The following MAP4K3 variants were observed in gnomAD, a reference collection of about 807,000 sequenced individuals.
The protein encoded by MAP4K3 is mitogen-activated protein kinase kinase kinase kinase 3, also known as MAPK/ERK kinase kinase kinase 3.
MAP4K3 carries 94 observed loss-of-function variants against 143.5 expected under a neutral mutation model. The observed-to-expected ratio is 0.65, with a 90% CI of 0.55 to 0.78. The LOEUF is 0.78. Among genes scored for constraint, MAP4K3 ranks in the 30% least tolerant of loss-of-function variants. The pLI is 0.00. For synonymous variants in MAP4K3, 416 were observed against 347.2 expected (o/e 1.20, Z -2.20); for missense variants, 1,077 against 1,068.1 (o/e 1.01, Z -0.12).
chr2:39,397,288 A>G (rs1666834936), intron 1 of MAP4K3, among the ~76,000 whole-genome samples: 1 of 152,220 alleles, frequency 6.6e-6, no homozygotes, highest in African/African-American at 2.4e-5. Flanking sequence ...GAATTCAGTA[A>G]GATAGTAACC....
intron 1 of MAP4K3, among the ~76,000 whole-genome samples, chr2:39,393,966 G>A (rs184129764): frequency 5.2e-4 from 79 of 152,262 alleles, no homozygotes; most frequent in African/African-American, 1.7e-3. Context: ...TCAGTGAAAT[G>A]AGAACGACAT....
rs1370806869 is a variant in MAP4K3, at chr2:39,286,974, G to A, written c.1475-10C>T. ...GAGCTCATTCCATTTCCTTCAATAAGATATATTCATTGAAAATGATTAATC... is the reference window on the plus strand; with the variant it reads ...GAGCTCATTCCATTTCCTTCAATAAAATATATTCATTGAAAATGATTAATC... On this transcript the variant is annotated splice_polypyrimidine_tract_variant and intron_variant, in intron 20 of 33. Transcript: ENST00000263881. The A allele has an allele frequency of 1.3e-6, 2 of 1,508,906 alleles. No individual in the cohort carries two copies. 93.5% of individuals were successfully genotyped at this position (1,508,906 alleles called of 1,614,324 possible).
chr2:39,398,101 T>C (rs1291290827), intron 1 of MAP4K3, among the ~76,000 whole-genome samples: 2 of 152,132 alleles, frequency 1.3e-5, no homozygotes, highest in African/African-American at 4.8e-5. Context: ...TACAGACGCA[T>C]GTACCCTTTC....
chr2:39,352,797 T>C (rs1665496917), intron 3 of MAP4K3, among the ~76,000 whole-genome samples: 1 of 152,144 alleles, frequency 6.6e-6, no homozygotes, highest in South Asian at 2.1e-4. Flanking sequence ...ACTAAGAAAA[T>C]TCATAGGGTA....
intron 1 of MAP4K3, among the ~76,000 whole-genome samples, chr2:39,428,682 C>CAA (rs145652216): frequency 2.0e-5 from 3 of 146,964 alleles, no homozygotes; most frequent in African/African-American, 7.5e-5. Context: ...AACTCTGCCT[C>CAA]AAAAAAAAAA....
intron 2 of MAP4K3, among the ~76,000 whole-genome samples, chr2:39,369,660 G>C (rs1666028657): frequency 6.6e-6 from 1 of 152,098 alleles, no homozygotes; most frequent in African/African-American, 2.4e-5. Context: ...AGCCAGTCTT[G>C]AAGGCTCATC....
intron 1 of MAP4K3, among the ~76,000 whole-genome samples, chr2:39,398,537 T>A (rs367915394): frequency 5.7e-4 from 86 of 151,892 alleles, no homozygotes; most frequent in African/African-American, 1.9e-3. Flanking sequence ...TCTCAGGGGA[T>A]ACTTTTTAAA....
rs933073422 is a variant in MAP4K3, at chr2:39,250,239, T to C, written c.*379A>G. On this transcript the variant is annotated 3_prime_UTR_variant, in exon 34 of 34. Transcript: ENST00000263881. ...CACCCAAGAATATACTAAAGAATTC[T>C]TAAAATATTAACCCCAATTGCATTT... 1 of 158,898 alleles carries C rather than the reference T, an allele frequency of 6.3e-6. No individual in the cohort carries two copies. The highest frequency in any genetic ancestry group is 2.4e-5 in the African/African-American group (1 of 41,722). 9.8% of individuals were successfully genotyped at this position (158,898 alleles called of 1,614,324 possible). A position where few individuals can be genotyped will look rare whatever the true frequency, so the allele number is the denominator to read the frequency against.
At chr2:39,282,034 A>C (rs749212965) in intron 22 of MAP4K3, among the ~76,000 whole-genome samples, 23 of 151,902 alleles carry the variant, frequency 1.5e-4, no homozygotes, top group Non-Finnish European at 3.2e-4. Flanking sequence ...CTCTATAAAA[A>C]CACACAAAAA....
At chr2:39,330,273 C>T (rs1489567455) in intron 8 of MAP4K3, among the ~76,000 whole-genome samples, 1 of 152,078 alleles carries the variant, frequency 6.6e-6, no homozygotes, top group African/African-American at 2.4e-5. Context: ...GGAGGAGTTA[C>T]ATTCAATAGA....
intron 1 of MAP4K3, among the ~76,000 whole-genome samples, chr2:39,392,204 A>AAAAAAT: frequency 6.6e-6 from 1 of 151,152 alleles, no homozygotes; most frequent in Middle Eastern, 3.4e-3. Context: ...AAAAAAAAAA[A>AAAAAAT]ATTACAGTGA....
At position 39,250,345 on chromosome 2, in the gene MAP4K3, G is replaced by T. The variant is rs1048432894; in HGVS notation, c.*273C>A. On this transcript the variant is annotated 3_prime_UTR_variant, in exon 34 of 34. Coordinates refer to ENST00000263881, the MANE Select transcript of MAP4K3 (RefSeq NM_003618.4). Reference sequence around the variant, plus strand: ...TACATTATCTACATAAATTCTTAGTGTATGTCTTCAGCAATATGAAGTTTC... The same window carrying T: ...TACATTATCTACATAAATTCTTAGTTTATGTCTTCAGCAATATGAAGTTTC... 3 of 335,534 alleles carry T rather than the reference G, an allele frequency of 8.9e-6. No individual in the cohort carries two copies. The highest frequency in any genetic ancestry group is 4.4e-5 in the Admixed American group (1 of 22,676). 20.8% of individuals were successfully genotyped at this position (335,534 alleles called of 1,614,324 possible).
At chr2:39,411,504 G>A (rs914773096) in intron 1 of MAP4K3, among the ~76,000 whole-genome samples, 2 of 152,124 alleles carry the variant, frequency 1.3e-5, no homozygotes, top group African/African-American at 4.8e-5. Context: ...CCGGGTACAG[G>A]GACACAAAGA....
At chr2:39,261,316 T>A (rs1054208518) in intron 28 of MAP4K3, among the ~76,000 whole-genome samples, 1 of 51,860 alleles carries the variant, frequency 1.9e-5, no homozygotes, top group African/African-American at 3.3e-5. Flanking sequence ...TACAACCCAT[T>A]TTAATTTTAT....
intron 2 of MAP4K3, among the ~76,000 whole-genome samples, chr2:39,376,834 G>A (rs1666230755): frequency 6.6e-6 from 1 of 152,126 alleles, no homozygotes; most frequent in Non-Finnish European, 1.5e-5. Context: ...TGAAGGCCCT[G>A]CTTTAAATGC....
chr2:39,379,820 G>C (rs942305497), intron 1 of MAP4K3: 1 of 168,570 alleles, frequency 5.9e-6, no homozygotes, highest in Non-Finnish European at 1.5e-5. Context: ...CAGAAAGCTA[G>C]GATGATTATA....
At chr2:39,340,714 A>G (rs758666596) in intron 4 of MAP4K3, among the ~76,000 whole-genome samples, 10 of 152,196 alleles carry the variant, frequency 6.6e-5, no homozygotes, top group Non-Finnish European at 1.2e-4. Flanking sequence ...GATGTAAAAG[A>G]AGGAATGAAA....
chr2:39,334,825 TTAAAA>T (rs1455576316), intron 6 of MAP4K3, among the ~76,000 whole-genome samples: 2 of 152,062 alleles, frequency 1.3e-5, no homozygotes, highest in Admixed American at 6.5e-5. Flanking sequence ...AGGAAAAAAC[TTAAAA>T]TAAATATATT....
intron 1 of MAP4K3, among the ~76,000 whole-genome samples, chr2:39,416,162 G>T (rs1220776972): frequency 4.6e-5 from 7 of 150,904 alleles, no homozygotes; most frequent in African/African-American, 1.5e-4. Flanking sequence ...AAAATTTTCA[G>T]TCAGATGCTG....
Sources: gnomAD v4.1 joint callset for allele counts (sites outside exome capture counted in the v4.1 genomes callset) on GRCh38, gnomAD v4.1.1 for gene constraint, MANE v1.5 for transcripts, NCBI Gene and HGNC (gene_info 2026-07-23, HGNC 2026-07-21) for gene names.